DIPK2B: variants seen among roughly 807,000 people sequenced by gnomAD.
DIPK2B encodes divergent protein kinase domain 2B.
Under a neutral mutation model 22.2 loss-of-function variants are expected in DIPK2B, and 15 were observed. The ratio of observed to expected loss-of-function variants is 0.68; its 90% CI spans 0.45 to 1.04. DIPK2B has a LOEUF of 1.04. DIPK2B is among the 50% of genes least tolerant of loss of function. The pLI is 0.00. For missense variants in DIPK2B, 345 were observed against 348.3 expected, an observed-to-expected ratio of 0.99 and a Z score of 0.08; for synonymous variants, 163 against 153.2, an observed-to-expected ratio of 1.06 and a Z score of -0.47.
At chrX:45,185,651 T>C (rs2047178171) in intron 2 of DIPK2B, among the ~76,000 whole-genome samples, 1 of 94,360 alleles carries the variant, frequency 1.1e-5, no homozygotes, top group South Asian at 4.8e-4. Context: ...TTCTTTTCTT[T>C]TCTTTTTTTT....
intron 1 of DIPK2B, among the ~76,000 whole-genome samples, chrX:45,197,383 G>A (rs748069430): frequency 1.8e-5 from 2 of 111,378 alleles, no homozygotes; most frequent in Middle Eastern, 4.6e-3. Context: ...GACTATAGGC[G>A]TGCGCCGCCA....
chrX:45,184,975 G>T (rs1489602158), intron 2 of DIPK2B, among the ~76,000 whole-genome samples: 2 of 110,850 alleles, frequency 1.8e-5, no homozygotes, highest in African/African-American at 3.3e-5. Context: ...ATTCTCTTTT[G>T]ATTAGATAAA....
At chrX:45,172,996 A>G in intron 2 of DIPK2B, among the ~76,000 whole-genome samples, 1 of 111,266 alleles carries the variant, frequency 9.0e-6, no homozygotes, top group Non-Finnish European at 1.9e-5. Context: ...AAACCCTCAC[A>G]CTTGCCTGAG....
At chrX:45,176,217 G>A (rs1186337004) in intron 2 of DIPK2B, among the ~76,000 whole-genome samples, 5 of 110,742 alleles carry the variant, frequency 4.5e-5, no homozygotes, top group Admixed American at 2.9e-4. Context: ...GGAAGCCAGA[G>A]AGATCAGATG....
At chrX:45,170,336 G>T (rs2047074311) in intron 2 of DIPK2B, among the ~76,000 whole-genome samples, 1 of 111,183 alleles carries the variant, frequency 9.0e-6, no homozygotes, top group African/African-American at 3.3e-5. Context: ...CCAGGGACAG[G>T]TGGCCAGGCC....
chrX:45,198,428 A>G (rs1438342065), intron 1 of DIPK2B, among the ~76,000 whole-genome samples: 1 of 111,470 alleles, frequency 9.0e-6, no homozygotes, highest in African/African-American at 3.3e-5. Context: ...ACCATTCTCA[A>G]TGTGCAGAGC....
intron 2 of DIPK2B, among the ~76,000 whole-genome samples, chrX:45,185,704 G>A (rs761750226): frequency 3.0e-5 from 3 of 101,519 alleles, no homozygotes; most frequent in South Asian, 9.7e-4. Context: ...CCAGGCTGGA[G>A]TGCAGTGGCG....
intron 2 of DIPK2B, among the ~76,000 whole-genome samples, chrX:45,187,551 C>T (rs1034947427): frequency 9.0e-6 from 1 of 110,676 alleles, no homozygotes; most frequent in Non-Finnish European, 1.9e-5. Flanking sequence ...CTGTCGTCTT[C>T]CTTAGCAGCC....
intron 2 of DIPK2B, chrX:45,164,159 T>C: frequency 8.6e-7 from 1 of 1,164,959 alleles, no homozygotes; most frequent in South Asian, 2.0e-5. Flanking sequence ...TTTCTGGAAG[T>C]TCTCAGTGCT....
intron 2 of DIPK2B, among the ~76,000 whole-genome samples, chrX:45,175,186 T>A (rs2047110446): frequency 9.0e-6 from 1 of 111,682 alleles, no homozygotes; most frequent in Non-Finnish European, 1.9e-5. Context: ...AGCAGGTATG[T>A]GGTAGTTTTT....
At chrX:45,167,809 C>T (rs1055346586) in intron 2 of DIPK2B, among the ~76,000 whole-genome samples, 1 of 111,588 alleles carries the variant, frequency 9.0e-6, no homozygotes, top group Non-Finnish European at 1.9e-5. Context: ...CTCAGCCTCC[C>T]GACTAGCTAG....
rs749222968 is a variant in DIPK2B, at chrX:45,200,668, A to G, written c.159T>C (p.Thr53=). ...CATTGCATTTATCAAGACCGAGGAA[A>G]GTCCTTCCAAAATTGTAGCTGGTTC... ...QVRTSYNFGR[T]FLGLDKCNAC... Residue 53 remains threonine (T), a synonymous_variant, in exon 1 of 5, where the codon ACT becomes ACC. Coordinates refer to ENST00000398000, the MANE Select transcript of DIPK2B (RefSeq NM_176819.4). 9 of 1,211,628 alleles carry G rather than the reference A, an allele frequency of 7.4e-6. No individual in the cohort carries two copies. In the East Asian group the frequency reaches 8.9e-5, roughly 12 times the overall value.
chrX:45,188,170 A>C (rs753240611), intron 2 of DIPK2B, among the ~76,000 whole-genome samples: 2 of 112,312 alleles, frequency 1.8e-5, no homozygotes, highest in Non-Finnish European at 3.8e-5. Flanking sequence ...ATTAGGACTC[A>C]TGTCTGATGG....
chrX:45,167,102 C>T (rs967800077), intron 2 of DIPK2B, among the ~76,000 whole-genome samples: 5 of 112,442 alleles, frequency 4.4e-5, no homozygotes, highest in Admixed American at 9.4e-5. Flanking sequence ...ATAACTGTCT[C>T]AGCTGTGGAT....
intron 2 of DIPK2B, among the ~76,000 whole-genome samples, chrX:45,185,738 C>T (rs1366513543): frequency 1.9e-5 from 2 of 106,486 alleles, no homozygotes; most frequent in African/African-American, 6.9e-5. Flanking sequence ...CTGCAACCTC[C>T]GCCTCCTGGG....
rs1408304406 is a variant in DIPK2B, at chrX:45,150,859, T to C, written c.*793A>G. The C allele has an allele frequency of 8.9e-6, 1 of 111,773 alleles. No homozygotes were observed. The highest frequency in any genetic ancestry group is 3.3e-5 in the African/African-American group (1 of 30,658). The allele number at this position is 111,773 out of a possible 1,213,427, so 9.2% of individuals were successfully genotyped here. ...CCAATCTTCTCCGGCTCCCTCCTTC[T>C]TTCCTTACACACAATCATTTCCCCT... On this transcript the variant is annotated 3_prime_UTR_variant, in exon 5 of 5. Transcript: ENST00000398000.
At chrX:45,178,340 AT>A (rs1308036047) in intron 2 of DIPK2B, among the ~76,000 whole-genome samples, 4 of 110,461 alleles carry the variant, frequency 3.6e-5, no homozygotes, top group African/African-American at 1.3e-4. Context: ...ATGCAGTAGC[AT>A]TTTTTTTTCT....
At chrX:45,181,012 G>C (rs1256159055) in intron 2 of DIPK2B, among the ~76,000 whole-genome samples, 1 of 111,905 alleles carries the variant, frequency 8.9e-6, no homozygotes, top group Non-Finnish European at 1.9e-5. Flanking sequence ...ACCAGGGATA[G>C]AGGGACTACT....
chrX:45,151,809 A>C lies in DIPK2B; in HGVS notation c.1145T>G (p.Ile382Arg), dbSNP rs370129628. 1.2e-5 allele frequency: 15 copies of C among 1,210,542 alleles called. No homozygotes were observed. The highest frequency in any genetic ancestry group is 3.5e-5 in the African/African-American group (2 of 57,369). Residue 382 changes from isoleucine to arginine, a missense_variant, in exon 5 of 5, where the codon ATA becomes AGA. Ile to Arg is a moderately conservative substitution (Grantham distance 97). Transcript: ENST00000398000. The part of the protein sequence containing the change: ...GRFPSPVQDD[I>R]DSILVQCGDS... ...CCCACACTGAACAAGGATGGAGTCT[A>C]TGTCGTCTTGCACTGGGGAGGGGAA...
Sources: allele counts gnomAD v4.1 joint callset (sites outside exome capture counted in the v4.1 genomes callset), GRCh38; gene constraint gnomAD v4.1.1; transcripts MANE v1.5; gene names NCBI Gene and HGNC (gene_info 2026-07-23, HGNC 2026-07-21).